The following CCDC171 variants were observed in gnomAD, a reference collection of about 807,000 sequenced individuals.
CCDC171 encodes the protein coiled-coil domain containing 171.
Under a neutral mutation model 168.2 loss-of-function variants are expected in CCDC171, and 177 were observed. The observed-to-expected ratio is 1.05, with a 90% CI of 0.93 to 1.19. CCDC171 has a LOEUF of 1.19. Ranked by LOEUF, CCDC171 falls within the 50% of genes most tolerant of loss-of-function variation. The pLI is 0.00. For synonymous variants in CCDC171, 687 were observed against 540.8 expected (o/e 1.27, Z -3.75); for missense variants, 1,991 against 1,539.0 (o/e 1.29, Z -4.91).
chr9:16,073,955 C>T, the CCDC171 span, among the ~76,000 whole-genome samples: 3 of 152,196 alleles, frequency 2.0e-5, no homozygotes, highest in Non-Finnish European at 4.4e-5. Context: ...CTGCTGCTCT[C>T]TGCCTTACCT....
chr9:15,633,086 C>T (rs990867254), intron 7 of CCDC171, among the ~76,000 whole-genome samples: 1 of 152,166 alleles, frequency 6.6e-6, no homozygotes, highest in East Asian at 1.9e-4. Context: ...AAAACCTAGG[C>T]ATTAGCATTC....
At chr9:16,044,807 A>T (rs1833632963) in intron 1 of CCDC171, among the ~76,000 whole-genome samples, 1 of 152,180 alleles carries the variant, frequency 6.6e-6, no homozygotes, top group East Asian at 1.9e-4. Context: ...AAGGGAAAGA[A>T]GCCCAGGGTA....
intron 23 of CCDC171, among the ~76,000 whole-genome samples, chr9:15,859,626 C>T (rs1396431605): frequency 7.0e-6 from 1 of 143,776 alleles, no homozygotes; most frequent in African/African-American, 2.6e-5. Context: ...TCTGCCCCCA[C>T]CCCCCGAATC....
chr9:15,694,324 G>A (rs2051048458), intron 10 of CCDC171, among the ~76,000 whole-genome samples: 1 of 151,984 alleles, frequency 6.6e-6, no homozygotes, highest in African/African-American at 2.4e-5. Flanking sequence ...ATTATATTCA[G>A]CCACCTCCCA....
At chr9:15,849,153 A>C (rs188227531) in intron 23 of CCDC171, among the ~76,000 whole-genome samples, 6 of 151,742 alleles carry the variant, frequency 4.0e-5, no homozygotes, top group Admixed American at 2.0e-4. Context: ...CTATAAAACT[A>C]TGAAAATAGT....
In CCDC171 at chr9:15,601,173, A is replaced by T. The variant is rs145711877; in HGVS notation, c.675+7001A>T. On this transcript the variant is annotated intron_variant, in intron 6 of 25. Coordinates refer to ENST00000380701, the MANE Select transcript of CCDC171 (RefSeq NM_173550.4). Reference sequence around the variant, plus strand: ...CCACTCTCTGACAATCCTCAGTGAGATGAACCCGGTACCTGAGTTGGAAAT... The same window carrying T: ...CCACTCTCTGACAATCCTCAGTGAGTTGAACCCGGTACCTGAGTTGGAAAT... Among the ~76,000 whole-genome samples the T allele has an allele frequency of 7.2e-5, 11 of 152,240 alleles. No homozygotes were observed. The East Asian group carries it at 1.9e-3, about 27-fold the overall frequency.
intron 7 of CCDC171, among the ~76,000 whole-genome samples, chr9:15,625,316 T>A (rs1374465228): frequency 1.3e-5 from 2 of 152,204 alleles, no homozygotes; most frequent in African/African-American, 2.4e-5. Flanking sequence ...AGCTCTTTAA[T>A]TTAATTAGAT....
intron 7 of CCDC171, among the ~76,000 whole-genome samples, chr9:15,648,056 A>T (rs2047192121): frequency 6.6e-6 from 1 of 152,352 alleles, no homozygotes; most frequent in South Asian, 2.1e-4. Context: ...ACCATGATCA[A>T]GTGGGCTTCA....
intron 7 of CCDC171, among the ~76,000 whole-genome samples, chr9:15,643,303 T>C (rs1415747153): frequency 6.6e-6 from 1 of 152,136 alleles, no homozygotes; most frequent in Non-Finnish European, 1.5e-5. Flanking sequence ...GCAAGAACCT[T>C]ATCCTTTATA....
chr9:15,602,180 C>G (rs1264217648), intron 6 of CCDC171, among the ~76,000 whole-genome samples: 1 of 151,962 alleles, frequency 6.6e-6, no homozygotes, highest in Non-Finnish European at 1.5e-5. Flanking sequence ...AAGAAAATAG[C>G]TTTTCCTTTT....
chr9:16,013,908 G>C (rs1039800636), intron 3 of CCDC171, among the ~76,000 whole-genome samples: 2 of 152,092 alleles, frequency 1.3e-5, no homozygotes, highest in Non-Finnish European at 2.9e-5. Context: ...CTTTTCACTG[G>C]TGGAAGATCT....
chr9:15,947,914 C>T (rs529527870), intron 25 of CCDC171, among the ~76,000 whole-genome samples: 11 of 151,328 alleles, frequency 7.3e-5, no homozygotes, highest in African/African-American at 1.9e-4. Context: ...CATGCTGGTG[C>T]GCTGCACCCA....
intron 1 of CCDC171, among the ~76,000 whole-genome samples, chr9:16,047,907 G>A (rs560888303): frequency 6.6e-6 from 1 of 152,232 alleles, no homozygotes; most frequent in East Asian, 1.9e-4. Context: ...ACTCATGGAA[G>A]AGCTCTGCCT....
intron 21 of CCDC171, among the ~76,000 whole-genome samples, chr9:15,839,214 TAAATA>T (rs1193204487): frequency 2.0e-5 from 3 of 152,192 alleles, no homozygotes; most frequent in African/African-American, 7.2e-5. Context: ...AGTGTATCCT[TAAATA>T]ATACTGAAGC....
At chr9:15,617,216 T>A (rs1404520645) in intron 6 of CCDC171, among the ~76,000 whole-genome samples, 1 of 152,190 alleles carries the variant, frequency 6.6e-6, no homozygotes, top group Non-Finnish European at 1.5e-5. Context: ...TCTGTTCAGT[T>A]TTGTGCCCTT....
At chr9:15,870,163 G>A (rs188631978) in intron 23 of CCDC171, among the ~76,000 whole-genome samples, 1 of 151,930 alleles carries the variant, frequency 6.6e-6, no homozygotes, top group Non-Finnish European at 1.5e-5. Flanking sequence ...GCTGTAGTGT[G>A]CTGACTGTAC....
At chr9:15,588,477 T>G in intron 4 of CCDC171, 1 of 298,602 alleles carries the variant, frequency 3.3e-6, no homozygotes, top group Non-Finnish European at 6.8e-6. Context: ...AAAAGCCTTC[T>G]TTGCCCCTGC....
At chr9:15,740,853 G>A (rs2054829586) in intron 16 of CCDC171, among the ~76,000 whole-genome samples, 1 of 152,074 alleles carries the variant, frequency 6.6e-6, no homozygotes, top group Non-Finnish European at 1.5e-5. Context: ...AAACTGGTTT[G>A]TTTTTTGGTG....
intron 6 of CCDC171, among the ~76,000 whole-genome samples, chr9:15,615,973 T>C (rs1484974732): frequency 6.6e-6 from 1 of 151,704 alleles, no homozygotes. Context: ...TATTTTGAGA[T>C]GGAGTCTCGC....
Sources: allele counts gnomAD v4.1 joint callset (sites outside exome capture counted in the v4.1 genomes callset), GRCh38; gene constraint gnomAD v4.1.1; transcripts MANE v1.5; gene names NCBI Gene and HGNC (gene_info 2026-07-23, HGNC 2026-07-21).